NAALADL2: variants seen among roughly 807,000 people sequenced by gnomAD.
The protein encoded by NAALADL2 is inactive N-acetylated-alpha-linked acidic dipeptidase-like protein 2.
Under a neutral mutation model 87.2 loss-of-function variants are expected in NAALADL2, and 76 were observed. That is an observed-to-expected ratio of 0.87 (90% CI 0.72 to 1.05). NAALADL2 has a LOEUF of 1.05. Among genes scored for constraint, NAALADL2 ranks in the 50% least tolerant of loss-of-function variants. The probability of loss-of-function intolerance (pLI) is 0.00; values close to 1 mark genes in which losing one functional copy is unlikely to be tolerated. For missense variants in NAALADL2, 1,089 were observed against 945.8 expected, an observed-to-expected ratio of 1.15 and a Z score of -1.99; for synonymous variants, 354 against 331.0, an observed-to-expected ratio of 1.07 and a Z score of -0.75.
chr3:174,783,482 G>T (rs1716241411), intron 3 of NAALADL2, among the ~76,000 whole-genome samples: 1 of 152,106 alleles, frequency 6.6e-6, no homozygotes, highest in African/African-American at 2.4e-5. Context: ...CCTTTGCAGA[G>T]CTTCATTACT....
intron 3 of NAALADL2, among the ~76,000 whole-genome samples, chr3:174,844,835 G>GTT (rs781333758): frequency 0.026 from 912 of 35,408 alleles, 237 homozygotes; most frequent in African/African-American, 0.033. Context: ...AGTTCTAATG[G>GTT]TTTTTTTTTT....
intron 2 of NAALADL2, among the ~76,000 whole-genome samples, chr3:174,683,554 T>C (rs1201039255): frequency 6.6e-6 from 1 of 151,968 alleles, no homozygotes; most frequent in Non-Finnish European, 1.5e-5. Flanking sequence ...TTCACTAATA[T>C]AGTTGTTATA....
intron 4 of NAALADL2, among the ~76,000 whole-genome samples, chr3:175,297,091 C>T (rs1252443287): frequency 6.6e-6 from 1 of 152,124 alleles, no homozygotes; most frequent in African/African-American, 2.4e-5. Flanking sequence ...ACTTACTGGC[C>T]TGTAGGTACT....
chr3:174,697,533 C>A (rs1360526291), intron 2 of NAALADL2, among the ~76,000 whole-genome samples: 1 of 151,886 alleles, frequency 6.6e-6, no homozygotes, highest in Non-Finnish European at 1.5e-5. Flanking sequence ...CAGCAAGATA[C>A]AAGGGTATGT....
chr3:174,910,329 A>T (rs1225684867), intron 1 of NAALADL2, among the ~76,000 whole-genome samples: 1 of 152,100 alleles, frequency 6.6e-6, no homozygotes, highest in Non-Finnish European at 1.5e-5. Context: ...TATATATTTT[A>T]AAATAACTGC....
chr3:174,987,958 G>T (rs906136148), intron 1 of NAALADL2, among the ~76,000 whole-genome samples: 6 of 151,532 alleles, frequency 4.0e-5, no homozygotes, highest in Non-Finnish European at 7.4e-5. Context: ...ATGAGCCACT[G>T]TGTCTGGCCC....
chr3:174,775,903 T>C (rs1715154421), intron 3 of NAALADL2, among the ~76,000 whole-genome samples: 2 of 152,172 alleles, frequency 1.3e-5, no homozygotes, highest in Admixed American at 1.3e-4. Flanking sequence ...GTGTTATACG[T>C]AACAAATATG....
At chr3:175,639,372 G>C (rs995342152) in intron 11 of NAALADL2, among the ~76,000 whole-genome samples, 8 of 138,020 alleles carry the variant, frequency 5.8e-5, no homozygotes, top group Non-Finnish European at 1.2e-4. Flanking sequence ...CCAGGCTGGA[G>C]TGCAGTGGTG....
At chr3:174,955,226 C>T (rs535973912) in intron 1 of NAALADL2, among the ~76,000 whole-genome samples, 6 of 152,178 alleles carry the variant, frequency 3.9e-5, no homozygotes, top group East Asian at 3.9e-4. Flanking sequence ...TAATTCACGA[C>T]GCATTTTCAA....
intron 5 of NAALADL2, among the ~76,000 whole-genome samples, chr3:175,373,047 TG>T (rs1766692555): frequency 6.6e-6 from 1 of 152,202 alleles, no homozygotes; most frequent in Non-Finnish European, 1.5e-5. Context: ...GGAATAATTT[TG>T]GTAACTACTT....
chr3:175,069,101 G>A (rs1423056034), intron 1 of NAALADL2, among the ~76,000 whole-genome samples: 4 of 151,628 alleles, frequency 2.6e-5, no homozygotes, highest in Non-Finnish European at 5.9e-5. Flanking sequence ...ATAGGCATGG[G>A]CAAGGACTTC....
intron 1 of NAALADL2, among the ~76,000 whole-genome samples, chr3:174,922,361 T>C (rs1470216509): frequency 6.6e-6 from 1 of 151,976 alleles, no homozygotes; most frequent in Non-Finnish European, 1.5e-5. Flanking sequence ...CTTTTTATTT[T>C]GAACTAATTT....
chr3:175,427,149 TA>T (rs1716944434), intron 5 of NAALADL2, among the ~76,000 whole-genome samples: 1 of 152,204 alleles, frequency 6.6e-6, no homozygotes, highest in Admixed American at 6.6e-5. Context: ...GTTCTTTAGT[TA>T]CTTTTTAGGA....
rs147898784 is a variant in NAALADL2 at position 175,743,988 on chromosome 3, A to C, written c.1990+6589A>C. Among the ~76,000 whole-genome samples the C allele has an allele frequency of 9.9e-3, 1,509 of 152,294 alleles. 17 individuals are homozygous for C. The highest frequency in any genetic ancestry group is 0.034 in the African/African-American group (1,416 of 41,568). ...CTTCAAAGAATGAGTGGTGATCTAG[A>C]AGCACCTCACATTATTCTTCTAGGG... On this transcript the variant is annotated intron_variant, in intron 12 of 13. Coordinates refer to ENST00000454872, the MANE Select transcript of NAALADL2 (RefSeq NM_207015.3).
chr3:174,954,762 G>A (rs1352584633), intron 1 of NAALADL2, among the ~76,000 whole-genome samples: 3 of 152,182 alleles, frequency 2.0e-5, no homozygotes, highest in East Asian at 3.9e-4. Context: ...GGGAACATTC[G>A]ATGACCTGAG....
chr3:174,961,410 A>G (rs1320473850), intron 1 of NAALADL2, among the ~76,000 whole-genome samples: 2 of 152,086 alleles, frequency 1.3e-5, no homozygotes, highest in Non-Finnish European at 2.9e-5. Flanking sequence ...CAAGAATTTC[A>G]AGGGAGTTCT....
At chr3:175,665,661 G>A (rs1050043051) in intron 11 of NAALADL2, among the ~76,000 whole-genome samples, 2 of 152,114 alleles carry the variant, frequency 1.3e-5, no homozygotes, top group African/African-American at 2.4e-5. Context: ...GGCTGGGCGC[G>A]ATGGCTCACG....
chr3:174,739,334 T>A (rs1733528337), intron 3 of NAALADL2, among the ~76,000 whole-genome samples: 1 of 152,092 alleles, frequency 6.6e-6, no homozygotes, highest in Non-Finnish European at 1.5e-5. Context: ...TCTTGTCTAA[T>A]GTTTTGGCTC....
At chr3:175,797,080 G>A (rs1334809074) in intron 13 of NAALADL2, among the ~76,000 whole-genome samples, 1 of 151,776 alleles carries the variant, frequency 6.6e-6, no homozygotes, top group Non-Finnish European at 1.5e-5. Flanking sequence ...GTTCTTTCCT[G>A]GTCACCATGA....
Sources: allele counts gnomAD v4.1 joint callset (sites outside exome capture counted in the v4.1 genomes callset), GRCh38; gene constraint gnomAD v4.1.1; transcripts MANE v1.5; gene names NCBI Gene and HGNC (gene_info 2026-07-23, HGNC 2026-07-21).